The following RPS13 variants were observed in gnomAD, a reference collection of about 807,000 sequenced individuals.
RPS13 encodes the protein ribosomal protein S13, also known as small ribosomal subunit protein uS15.
A neutral mutation model predicts 24.6 loss-of-function variants in RPS13; 1 was observed. The observed-to-expected ratio is 0.04, with a 90% CI of 0.01 to 0.19. RPS13 has a LOEUF of 0.19. Among genes scored for constraint, RPS13 ranks in the 10% least tolerant of loss-of-function variants. RPS13 has a pLI of 1.00. For missense variants in RPS13, 88 were observed against 187.4 expected (o/e 0.47, Z 3.10); for synonymous variants, 69 against 65.3 (o/e 1.06, Z -0.27).
chr11:17,075,052 C>A, intron 5 of RPS13, 45 bp downstream of exon 5: 1 of 1,304,882 alleles, frequency 7.7e-7, no homozygotes, highest in Non-Finnish European at 1.1e-6. Context: ...TTACTACTGG[C>A]TGACTCCTAT....
At chr11:17,077,575 TC>T (rs2137239436) in intron 1 of RPS13, 43 bp downstream of exon 1, 1 of 459,824 alleles carries the variant, frequency 2.2e-6, no homozygotes, top group Non-Finnish European at 4.0e-6. Context: ...CCTGTCTTCC[TC>T]CCACCCCCCG....
At chr11:17,075,941 G>A in intron 3 of RPS13, 1 of 446,756 alleles carries the variant, frequency 2.2e-6, no homozygotes, top group South Asian at 1.8e-5. Flanking sequence ...ACTCTGGTCA[G>A]ATATTCTTCT....
In RPS13 at chr11:17,074,420, T is replaced by C; in HGVS notation, c.*13A>G. The C allele has an allele frequency of 6.2e-7, 1 of 1,601,162 alleles. No individual in the cohort carries two copies. Among genetic ancestry groups the C allele is most frequent in the Non-Finnish European group, 8.6e-7 (1 of 1,168,582 alleles). The stretch of plus-strand genomic sequence containing the variant: ...TTAAACAATCATTTTATTGCTTGAG[T>C]ACACAGACAAATTTATGCGACCAGG... On this transcript the variant is annotated 3_prime_UTR_variant, in exon 6 of 6. Coordinates refer to ENST00000525634, the MANE Select transcript of RPS13 (RefSeq NM_001017.3).
At chr11:17,075,760 G>GT (rs1565226185) in intron 3 of RPS13, 137 bp from the exon 4 acceptor site, 1 of 730,956 alleles carries the variant, frequency 1.4e-6, no homozygotes, top group East Asian at 2.7e-5. Flanking sequence ...AGAAACCAAC[G>GT]TGAGAATGCA....
At chr11:17,076,977 T>G (rs1221167912) in intron 3 of RPS13, 191 bp downstream of exon 3, 3 of 584,196 alleles carry the variant, frequency 5.1e-6, no homozygotes, top group East Asian at 2.7e-5. Context: ...GTGAAAGCCA[T>G]GAAGATTTAT....
intron 3 of RPS13, chr11:17,076,799 C>G (rs1848031173): frequency 5.7e-6 from 2 of 350,816 alleles, no homozygotes; most frequent in Non-Finnish European, 1.1e-5. Context: ...AATGAAGCCA[C>G]TTGCACGAAG....
At chr11:17,075,809 A>G (rs1848017178) in intron 3 of RPS13, 186 bp from the exon 4 acceptor site, 4 of 686,512 alleles carry the variant, frequency 5.8e-6, no homozygotes, top group Non-Finnish European at 1.1e-5. Flanking sequence ...GGTTTACCCA[A>G]CACTAAGGAA....
rs746879819 is a variant in RPS13 at position 17,075,496 on chromosome 11, C to T, written c.279G>A (p.Lys93=). The T allele has an allele frequency of 5.7e-6, 9 of 1,586,614 alleles. No individual in the cohort carries two copies. The Admixed American group carries it at 1.7e-4, about 31-fold the overall frequency. The change falls in exon 4 of 6, where the codon AAG becomes AAA. Residue 93 remains lysine (K), a synonymous_variant. Coordinates refer to ENST00000525634, the MANE Select transcript of RPS13 (RefSeq NM_001017.3). ...DLPEDLYHLI[K]KAVAVRKHLE... is the part of the protein sequence containing the mutation. ...GATGCTTTCGAACAGCAACTGCTTT[C>T]TTAATTAAATGGTAGAGATCTTCAG...
chr11:17,077,399 G>T, intron 2 of RPS13, 30 bp downstream of exon 2: 1 of 1,598,900 alleles, frequency 6.3e-7, no homozygotes, highest in Non-Finnish European at 8.5e-7. Flanking sequence ...CCCCTCCCCG[G>T]ATTCTCCCCG....
At position 17,074,413 on chromosome 11, in the gene RPS13, G is replaced by A. The variant is rs377308898; in HGVS notation, c.*20C>T. 14 of 1,583,776 alleles carry A rather than the reference G, an allele frequency of 8.8e-6. No individual in the cohort carries two copies. The African/African-American group carries it at 1.8e-4, about 20-fold the overall frequency. On this transcript the variant is annotated 3_prime_UTR_variant, in exon 6 of 6. Coordinates refer to ENST00000525634, the MANE Select transcript of RPS13 (RefSeq NM_001017.3). ...CTTTTAGTTAAACAATCATTTTATT[G>A]CTTGAGTACACAGACAAATTTATGC... is the stretch of plus-strand genomic sequence containing the variant.
Position 17,074,422 on chromosome 11 carries a change from CACAGACA to C in RPS13, c.*4_*10del, listed in dbSNP as rs1847993960. ...AAACAATCATTTTATTGCTTGAGTA[CACAGACA>C]AATTTATGCGACCAGGGCAGAGGCT... On this transcript the variant is annotated 3_prime_UTR_variant, in exon 6 of 6. Coordinates refer to ENST00000525634, the MANE Select transcript of RPS13 (RefSeq NM_001017.3). 1 of 1,603,412 alleles carries C rather than the reference CACAGACA, an allele frequency of 6.2e-7. No homozygotes were observed. Among genetic ancestry groups the C allele is most frequent in the South Asian group, 1.1e-5 (1 of 90,738 alleles).
chr11:17,076,598 A>G (rs1848029294), intron 3 of RPS13: 1 of 400,452 alleles, frequency 2.5e-6, no homozygotes, highest in South Asian at 1.8e-5. Flanking sequence ...GTCACCCAGG[A>G]GTGCAGTGGC....
intron 4 of RPS13, 42 bp downstream of exon 4, chr11:17,075,412 C>G (rs1462040752): frequency 6.8e-7 from 1 of 1,461,344 alleles, no homozygotes. Flanking sequence ...AAATTTAGTA[C>G]AAGCAGTCCT....
At chr11:17,076,782 T>G in intron 3 of RPS13, 1 of 320,328 alleles carries the variant, frequency 3.1e-6, no homozygotes, top group East Asian at 7.9e-5. Context: ...AAGGTAAACA[T>G]TTGCTGAATG....
intron 3 of RPS13, chr11:17,076,560 A>G (rs1030419752): frequency 2.3e-6 from 1 of 429,490 alleles, no homozygotes; most frequent in African/African-American, 2.1e-5. Context: ...GTCTCAAAAA[A>G]AAAAAAAAAA....
rs1847993927 is a variant in RPS13 at position 17,074,422 on chromosome 11, CACAG to C, written c.*7_*10del. 6.2e-7 allele frequency: 1 copy of C among 1,603,294 alleles called. No individual in the cohort carries two copies. Among genetic ancestry groups the C allele is most frequent in the African/African-American group, 1.3e-5 (1 of 74,656 alleles). On this transcript the variant is annotated 3_prime_UTR_variant, in exon 6 of 6. Transcript: ENST00000525634. ...AAACAATCATTTTATTGCTTGAGTACACAGACAAATTTATGCGACCAGGGCAGAG... is the reference window on the plus strand; with the variant it reads ...AAACAATCATTTTATTGCTTGAGTACACAAATTTATGCGACCAGGGCAGAG...
chr11:17,074,497 A>G, intron 5 of RPS13, 31 bp from the exon 6 acceptor site: 2 of 1,553,540 alleles, frequency 1.3e-6, no homozygotes, highest in Non-Finnish European at 1.8e-6. Context: ...AAGAAAGAAA[A>G]TCAGGATTAA....
chr11:17,077,066 G>C, intron 3 of RPS13, 102 bp downstream of exon 3: 2 of 854,144 alleles, frequency 2.3e-6, no homozygotes, highest in Non-Finnish European at 3.9e-6. Context: ...ACGGTGGCGA[G>C]ACCAGAGTTT....
At chr11:17,075,244 C>A in intron 4 of RPS13, 47 bp from the exon 5 acceptor site, 3 of 1,318,932 alleles carry the variant, frequency 2.3e-6, no homozygotes, top group South Asian at 1.3e-5. Context: ...CCAAAATGAC[C>A]TAACATTATC....
Sources: gnomAD v4.1 joint callset for allele counts on GRCh38, gnomAD v4.1.1 for gene constraint, MANE v1.5 for transcripts, NCBI Gene and HGNC (gene_info 2026-07-23, HGNC 2026-07-21) for gene names.